Variants in GGA2 observed in about 807,000 individuals in gnomAD.
GGA2 encodes the protein golgi associated, gamma adaptin ear containing, ARF binding protein 2.
A neutral mutation model predicts 79.5 loss-of-function variants in GGA2; 48 were observed. The ratio of observed to expected loss-of-function variants is 0.60; its 90% CI spans 0.48 to 0.77. GGA2 has a LOEUF of 0.77. Ranked by LOEUF, GGA2 falls within the 30% of genes least tolerant of loss-of-function variation. GGA2 has a pLI of 0.00. For synonymous variants in GGA2, 317 were observed against 302.0 expected (o/e 1.05, Z -0.51); for missense variants, 770 against 774.0 (o/e 0.99, Z 0.06).
chr16:23,521,220 A>G (rs1390622615), intron 1 of GGA2, among the ~76,000 whole-genome samples: 2 of 152,192 alleles, frequency 1.3e-5, no homozygotes, highest in Non-Finnish European at 2.9e-5. Context: ...TATCACCACC[A>G]TTGACCCCTG....
At chr16:23,514,040 A>T (rs904531279), upstream of GGA2, among the ~76,000 whole-genome samples, 2 of 152,158 alleles carry the variant, frequency 1.3e-5, no homozygotes, top group East Asian at 3.9e-4. Flanking sequence ...ATCAAACCTA[A>T]ATATAAAAGT....
In GGA2 at chr16:23,517,919, T is replaced by G. The variant is rs372044996; in HGVS notation, c.61+1668A>C. Among the ~76,000 whole-genome samples, 14 of 147,212 alleles carry G rather than the reference T, an allele frequency of 9.5e-5. No homozygotes were observed. The East Asian group carries it at 2.3e-3, about 24-fold the overall frequency. Reference sequence around the variant, plus strand: ...TGGCCTATTTATTTATTTATTTACTTATTTATTTTTATTTTTTGAGATGGA... The same window carrying G: ...TGGCCTATTTATTTATTTATTTACTGATTTATTTTTATTTTTTGAGATGGA... On this transcript the variant is annotated intron_variant, in intron 2 of 5. Transcript: ENST00000569300.
At chr16:23,481,058 T>G (rs1964641519) in intron 9 of GGA2, among the ~76,000 whole-genome samples, 1 of 152,210 alleles carries the variant, frequency 6.6e-6, no homozygotes, top group South Asian at 2.1e-4. Flanking sequence ...GCCCTTTCAA[T>G]AACAAACTTT....
In GGA2 at chr16:23,510,433, GC is replaced by G; in HGVS notation, c.-23del. Reference sequence around the variant, plus strand: ...CCATCGCTCCAGCCCCGACGCTGCGGCCGCGGGCGCCACTGCCTCTTCAGCC... The same window carrying G: ...CCATCGCTCCAGCCCCGACGCTGCGGCGCGGGCGCCACTGCCTCTTCAGCC... On this transcript the variant is annotated 5_prime_UTR_variant, in exon 1 of 17. Transcript: ENST00000309859. The G allele has an allele frequency of 1.0e-6, 1 of 963,070 alleles. No homozygotes were observed. The highest frequency in any genetic ancestry group is 3.0e-5 in the South Asian group (1 of 33,580). The allele number at this position is 963,070 out of a possible 1,614,324, so 59.7% of individuals were successfully genotyped here. A position where few individuals can be genotyped will look rare whatever the true frequency, so the allele number is the denominator to read the frequency against.
At chr16:23,470,243 T>C (rs890243563) in intron 14 of GGA2, 78 bp from the exon 15 acceptor site, 7 of 1,106,730 alleles carry the variant, frequency 6.3e-6, no homozygotes, top group African/African-American at 4.7e-5. Flanking sequence ...GAGATGTACA[T>C]GTTATCCCCA....
At chr16:23,524,303 G>C (rs1212061331), upstream of GGA2, 1 of 1,411,624 alleles carries the variant, frequency 7.1e-7, no homozygotes, top group Non-Finnish European at 1.0e-6. Context: ...CCTCCTTCTG[G>C]TCTCTGAAAG....
intron 1 of GGA2, among the ~76,000 whole-genome samples, chr16:23,503,163 T>C (rs1596994788): frequency 6.6e-6 from 1 of 152,356 alleles, no homozygotes; most frequent in East Asian, 1.9e-4. Context: ...TGTGTTTGCT[T>C]TCACAATACA....
At chr16:23,504,130 G>A (rs932984199) in intron 1 of GGA2, among the ~76,000 whole-genome samples, 1 of 151,062 alleles carries the variant, frequency 6.6e-6, no homozygotes, top group Non-Finnish European at 1.5e-5. Flanking sequence ...CATGCCAGAT[G>A]TCCTCAGAAC....
intron 4 of GGA2, 147 bp downstream of exon 4, chr16:23,493,213 T>C: frequency 1.6e-6 from 1 of 625,268 alleles, no homozygotes. Context: ...AGCCTCTTCC[T>C]AGAGCTTGGA....
intron 1 of GGA2, chr16:23,501,386 G>A (rs552581874): frequency 2.2e-6 from 1 of 450,150 alleles, no homozygotes; most frequent in East Asian, 7.0e-5. Context: ...GGACATTGCA[G>A]TTGAGAACAT....
chr16:23,502,772 C>A (rs907407484), intron 1 of GGA2, among the ~76,000 whole-genome samples: 101 of 152,362 alleles, frequency 6.6e-4, no homozygotes, highest in African/African-American at 2.4e-3. Flanking sequence ...TCCTATGGTG[C>A]ACAGGACTGC....
chr16:23,504,358 T>C (rs976887830), intron 1 of GGA2, among the ~76,000 whole-genome samples: 5 of 152,208 alleles, frequency 3.3e-5, no homozygotes, highest in African/African-American at 4.8e-5. Flanking sequence ...CATAAACTCC[T>C]TGAAGGCAAA....
At position 23,478,828 on chromosome 16, in the gene GGA2, G is replaced by T. The variant is rs750845645; in HGVS notation, c.1158+55C>A. 3.2e-6 allele frequency: 4 copies of T among 1,248,784 alleles called. No individual in the cohort carries two copies. In the East Asian group the frequency reaches 6.9e-5, roughly 22 times the overall value. The allele number at this position is 1,248,784 out of a possible 1,614,324, so 77.4% of individuals were successfully genotyped here. The stretch of plus-strand genomic sequence containing the variant: ...TCGCCAGGCAGTGCTGCCTCACAAG[G>T]GCAGGTCTGAGACCCTCCCATTCTC... On this transcript the variant is annotated intron_variant, in intron 12 of 16. Coordinates refer to ENST00000309859, the MANE Select transcript of GGA2 (RefSeq NM_015044.4).
chr16:23,474,844 G>T, intron 14 of GGA2, 60 bp downstream of exon 14: 2 of 1,257,040 alleles, frequency 1.6e-6, no homozygotes, highest in Non-Finnish European at 2.3e-6. Flanking sequence ...GGAAAAAGCT[G>T]GGAGTCTAAT....
intron 14 of GGA2, 85 bp downstream of exon 14, chr16:23,474,819 C>CT (rs1964555972): frequency 3.9e-6 from 4 of 1,025,746 alleles, no homozygotes; most frequent in Non-Finnish European, 6.1e-6. Context: ...AGGGCCACCT[C>CT]TATCAAACTG....
At chr16:23,502,908 TC>T (rs1307174377) in intron 1 of GGA2, among the ~76,000 whole-genome samples, 2 of 152,180 alleles carry the variant, frequency 1.3e-5, no homozygotes, top group Non-Finnish European at 2.9e-5. Context: ...GAACACCAGA[TC>T]CCCACCAATG....
At chr16:23,506,752 A>G (rs1964977803) in intron 1 of GGA2, among the ~76,000 whole-genome samples, 1 of 152,134 alleles carries the variant, frequency 6.6e-6, no homozygotes, top group Non-Finnish European at 1.5e-5. Context: ...ACCTTCCTCA[A>G]GTCCCCTGTT....
In GGA2 at chr16:23,486,747, T is replaced by A; in HGVS notation, c.623A>T (p.Gln208Leu). Residue 208 changes from glutamine to leucine, a missense_variant, in exon 7 of 17, where the codon CAG (glutamine) becomes CTG (leucine). Coordinates refer to ENST00000309859, the MANE Select transcript of GGA2 (RefSeq NM_015044.4). ...ATTCTTGATTAACCGGTTTGCAGCC[T>A]GAAGGTCCTCGGGGTGGTTGCTCTT... is the stretch of plus-strand genomic sequence containing the variant. ...LLKSNHPEDL[Q>L]AANRLIKNLV... 6.2e-7 allele frequency: 1 copy of A among 1,612,086 alleles called. No individual in the cohort carries two copies. The highest frequency in any genetic ancestry group is 8.5e-7 in the Non-Finnish European group (1 of 1,178,118).
At chr16:23,472,247 G>A (rs1476952466) in intron 14 of GGA2, among the ~76,000 whole-genome samples, 3 of 133,604 alleles carry the variant, frequency 2.2e-5, no homozygotes, top group Non-Finnish European at 4.6e-5. Flanking sequence ...AGGCTGGAGT[G>A]CAGTGGCGCA....
Sources: allele counts gnomAD v4.1 joint callset (sites outside exome capture counted in the v4.1 genomes callset), GRCh38; gene constraint gnomAD v4.1.1; transcripts MANE v1.5; gene names NCBI Gene and HGNC (gene_info 2026-07-23, HGNC 2026-07-21).